The following ADARB2 variants were observed in gnomAD, a reference collection of about 807,000 sequenced individuals.
The protein encoded by ADARB2 is inactive double-stranded RNA-specific editase B2.
ADARB2 carries 25 observed loss-of-function variants against 62.2 expected under a neutral mutation model. The ratio of observed to expected loss-of-function variants is 0.40; its 90% CI spans 0.29 to 0.56. The LOEUF (loss-of-function observed/expected upper bound fraction) is 0.56. ADARB2 is among the 20% of genes least tolerant of loss of function. ADARB2 has a pLI of 0.43. For synonymous variants in ADARB2, 572 were observed against 500.8 expected (o/e 1.14, Z -1.90); for missense variants, 1,071 against 1,077.4 (o/e 0.99, Z 0.08).
intron 1 of ADARB2, among the ~76,000 whole-genome samples, chr10:1,636,672 A>G (rs1833920169): frequency 6.6e-6 from 1 of 151,440 alleles, no homozygotes; most frequent in East Asian, 1.9e-4. Flanking sequence ...CAATTTTTAT[A>G]TATATGTAGA....
chr10:1,672,298 G>A (rs1441630634), intron 1 of ADARB2, among the ~76,000 whole-genome samples: 1 of 152,152 alleles, frequency 6.6e-6, no homozygotes, highest in Non-Finnish European at 1.5e-5. Flanking sequence ...TGGGAAGGGC[G>A]CTGGGGTGTC....
intron 1 of ADARB2, among the ~76,000 whole-genome samples, chr10:1,584,234 A>AAACTCAAC (rs1833144678): frequency 6.6e-6 from 1 of 152,208 alleles, no homozygotes; most frequent in Non-Finnish European, 1.5e-5. Flanking sequence ...AGGACAGTTA[A>AAACTCAAC]AACTCAACAA....
At chr10:1,472,525 A>G (rs1210333807) in intron 1 of ADARB2, among the ~76,000 whole-genome samples, 19 of 152,192 alleles carry the variant, frequency 1.2e-4, no homozygotes, top group Admixed American at 1.2e-3. Flanking sequence ...CTTCCTCACC[A>G]TGCTGGGGAC....
intron 1 of ADARB2, among the ~76,000 whole-genome samples, chr10:1,715,283 A>T (rs1019427703): frequency 1.2e-4 from 18 of 152,176 alleles, no homozygotes; most frequent in Admixed American, 4.6e-4. Flanking sequence ...TTTCCAGTCT[A>T]CGTGGAAGTG....
chr10:1,480,042 T>A (rs1329307738), intron 1 of ADARB2, among the ~76,000 whole-genome samples: 1 of 148,992 alleles, frequency 6.7e-6, no homozygotes, highest in Admixed American at 6.8e-5. Context: ...GCTCTCAATA[T>A]GATAAAAACC....
At chr10:1,492,255 C>T (rs1021461992) in intron 1 of ADARB2, among the ~76,000 whole-genome samples, 2 of 152,136 alleles carry the variant, frequency 1.3e-5, no homozygotes, top group African/African-American at 4.8e-5. Context: ...ATGTGTTCAA[C>T]GGTGTCCCAC....
chr10:1,503,469 C>T (rs1050871446), intron 1 of ADARB2, among the ~76,000 whole-genome samples: 7 of 151,948 alleles, frequency 4.6e-5, no homozygotes, highest in South Asian at 2.1e-4. Flanking sequence ...CAGGGAAGCA[C>T]AAAAGCAGTC....
At chr10:1,609,044 G>A (rs974491858) in intron 1 of ADARB2, among the ~76,000 whole-genome samples, 3 of 152,148 alleles carry the variant, frequency 2.0e-5, no homozygotes, top group Non-Finnish European at 2.9e-5. Flanking sequence ...GACCCGAAAC[G>A]CCCACCAAAC....
intron 1 of ADARB2, among the ~76,000 whole-genome samples, chr10:1,495,294 A>C (rs1042875140): frequency 1.3e-5 from 2 of 152,258 alleles, no homozygotes; most frequent in Non-Finnish European, 2.9e-5. Context: ...GAAACATTCA[A>C]GTTGTATATC....
chr10:1,228,598 C>T (rs11250349), intron 6 of ADARB2, among the ~76,000 whole-genome samples: 22,474 of 152,244 alleles, frequency 0.15, 1,856 homozygotes, highest in East Asian at 0.28. Flanking sequence ...CTGACCTGGC[C>T]CCTCTAGGTC....
intron 3 of ADARB2, among the ~76,000 whole-genome samples, chr10:1,271,835 G>A (rs1445738888): frequency 1.3e-5 from 2 of 152,194 alleles, no homozygotes. Flanking sequence ...CTTTTCTTCG[G>A]GGGCAGTTTG....
At chr10:1,325,334 T>C (rs1831835091) in intron 3 of ADARB2, among the ~76,000 whole-genome samples, 1 of 152,228 alleles carries the variant, frequency 6.6e-6, no homozygotes, top group African/African-American at 2.4e-5. Flanking sequence ...CCTAACACTT[T>C]GCTTCCGCTC....
intron 4 of ADARB2, among the ~76,000 whole-genome samples, chr10:1,249,905 A>G (rs147325487): frequency 3.9e-4 from 60 of 152,060 alleles, no homozygotes; most frequent in African/African-American, 1.3e-3. Context: ...ACAGAAGTCA[A>G]TAACTTTCAT....
At chr10:1,574,112 T>C (rs1440297021) in intron 1 of ADARB2, among the ~76,000 whole-genome samples, 2 of 152,312 alleles carry the variant, frequency 1.3e-5, no homozygotes, top group Admixed American at 6.5e-5. Flanking sequence ...CTGCAAATCA[T>C]GGAAGGTGGC....
rs1221933069 is a variant in ADARB2, at chr10:1,313,811, A to G, written c.1078-42742T>C. Among the ~76,000 whole-genome samples, 3 of 152,252 alleles carry G rather than the reference A, an allele frequency of 2.0e-5. No homozygotes were observed. The East Asian group carries it at 5.8e-4, about 29-fold the overall frequency. On this transcript the variant is annotated intron_variant, in intron 3 of 9. Transcript: ENST00000381312. ...GTTTCACAGAAACATGCTTGCATCA[A>G]CCTTCCTTCTGAGGTTGTATGGACT...
At chr10:1,186,504 T>C (rs1248779226) in intron 8 of ADARB2, 2 of 519,080 alleles carry the variant, frequency 3.9e-6, no homozygotes, top group South Asian at 2.8e-5. Context: ...GGCCTCTACC[T>C]GACGCGTTCC....
chr10:1,730,912 T>C (rs1277868362), intron 1 of ADARB2, among the ~76,000 whole-genome samples: 1 of 152,228 alleles, frequency 6.6e-6, no homozygotes, highest in African/African-American at 2.4e-5. Flanking sequence ...CTAACTGTAT[T>C]CATTCACCAT....
At chr10:1,645,896 A>G (rs560237670) in intron 1 of ADARB2, among the ~76,000 whole-genome samples, 25 of 152,350 alleles carry the variant, frequency 1.6e-4, no homozygotes, top group East Asian at 5.8e-4. Flanking sequence ...CATAAACTCA[A>G]TCAGTCATTC....
chr10:1,182,775 C>A lies in ADARB2; in HGVS notation c.*418G>T, dbSNP rs952073351. 2.5e-5 allele frequency: 4 copies of A among 162,966 alleles called. No homozygotes were observed. Among genetic ancestry groups the A allele is most frequent in the Non-Finnish European group, 4.0e-5 (3 of 75,458 alleles). 10.1% of individuals were successfully genotyped at this position (162,966 alleles called of 1,614,324 possible). Reference sequence around the variant, plus strand: ...TTCATTTGTGGCTTATCTTCATGTGCCCCCTCAAGCTAGTGAGACCCCAGC... The same window carrying A: ...TTCATTTGTGGCTTATCTTCATGTGACCCCTCAAGCTAGTGAGACCCCAGC... On this transcript the variant is annotated 3_prime_UTR_variant, in exon 10 of 10. Coordinates refer to ENST00000381312, the MANE Select transcript of ADARB2 (RefSeq NM_018702.4).
Sources: allele counts gnomAD v4.1 joint callset (sites outside exome capture counted in the v4.1 genomes callset), GRCh38; gene constraint gnomAD v4.1.1; transcripts MANE v1.5; gene names NCBI Gene and HGNC (gene_info 2026-07-23, HGNC 2026-07-21).